Variants in HELB observed in about 807,000 individuals in gnomAD.
The protein encoded by HELB is DNA helicase B.
HELB carries 96 observed loss-of-function variants against 101.7 expected under a neutral mutation model. The ratio of observed to expected loss-of-function variants is 0.94; its 90% CI spans 0.80 to 1.12. The LOEUF (loss-of-function observed/expected upper bound fraction) is 1.12. HELB is among the 50% of genes most tolerant of loss of function. The pLI is 0.00. For missense variants in HELB, 1,210 were observed against 1,291.9 expected, an observed-to-expected ratio of 0.94 and a Z score of 0.97; for synonymous variants, 437 against 459.7, an observed-to-expected ratio of 0.95 and a Z score of 0.63.
intron 12 of HELB, among the ~76,000 whole-genome samples, chr12:66,335,892 A>C (rs892117897): frequency 6.6e-5 from 10 of 152,196 alleles, no homozygotes; most frequent in African/African-American, 2.2e-4. Context: ...ATTATAATCC[A>C]GCTCAGTTTC....
chr12:66,312,097 G>A (rs1228908859), intron 4 of HELB, among the ~76,000 whole-genome samples: 1 of 152,204 alleles, frequency 6.6e-6, no homozygotes, highest in East Asian at 1.9e-4. Flanking sequence ...TTTAAAGTTA[G>A]TAAAGTATTT....
chr12:66,333,219 A>G (rs951169014), intron 12 of HELB, among the ~76,000 whole-genome samples: 1 of 152,182 alleles, frequency 6.6e-6, no homozygotes, highest in Non-Finnish European at 1.5e-5. Flanking sequence ...CAAGGCAAGG[A>G]CATAGGGAAT....
chr12:66,309,051 CA>C (rs1245279463), intron 3 of HELB, among the ~76,000 whole-genome samples: 1 of 152,076 alleles, frequency 6.6e-6, no homozygotes, highest in Admixed American at 6.6e-5. Context: ...CTAAACAAGT[CA>C]AGAAAATGAG....
chr12:66,309,491 CTG>C (rs879723299), intron 3 of HELB, among the ~76,000 whole-genome samples: 1 of 151,996 alleles, frequency 6.6e-6, no homozygotes, highest in East Asian at 1.9e-4. Flanking sequence ...ACTTTTAAAA[CTG>C]TGTGTTAGTG....
At chr12:66,314,622 T>C (rs1367275800) in intron 5 of HELB, among the ~76,000 whole-genome samples, 1 of 152,120 alleles carries the variant, frequency 6.6e-6, no homozygotes, top group Non-Finnish European at 1.5e-5. Flanking sequence ...CTGTAGACCA[T>C]ATGATTTAAT....
chr12:66,318,268 T>C (rs1382588279), intron 6 of HELB, among the ~76,000 whole-genome samples: 1 of 152,308 alleles, frequency 6.6e-6, no homozygotes, highest in African/African-American at 2.4e-5. Context: ...AAACCTCACA[T>C]TGTTTACCTG....
Position 66,338,176 on chromosome 12 carries a change from C to A in HELB, c.*74C>A. 3 of 909,066 alleles carry A rather than the reference C, an allele frequency of 3.3e-6. No homozygotes were observed. Among genetic ancestry groups the A allele is most frequent in the African/African-American group, 1.7e-5 (1 of 59,358 alleles). 56.3% of individuals were successfully genotyped at this position (909,066 alleles called of 1,614,324 possible). ...AATGAACATCGTAACGTCAAAGTAC[C>A]AAGATAAAAAAAGTTTCCTATAACT... On this transcript the variant is annotated 3_prime_UTR_variant, in exon 13 of 13. Coordinates refer to ENST00000247815, the MANE Select transcript of HELB (RefSeq NM_001370285.1).
chr12:66,316,936 A>T (rs1426952525), intron 6 of HELB, among the ~76,000 whole-genome samples: 1 of 149,910 alleles, frequency 6.7e-6, no homozygotes, highest in Non-Finnish European at 1.5e-5. Context: ...GGAGAATGGC[A>T]TGAACCTGGA....
chr12:66,303,118 T>C (rs1427782263), intron 1 of HELB, among the ~76,000 whole-genome samples: 1 of 141,452 alleles, frequency 7.1e-6, no homozygotes, highest in Admixed American at 7.4e-5. Flanking sequence ...AAAATTATTC[T>C]CATTTTAATG....
At position 66,322,033 on chromosome 12, in the gene HELB, A is replaced by C. The variant is rs1236597967; in HGVS notation, c.2237+4A>C. 1 of 1,021,144 alleles carries C rather than the reference A, an allele frequency of 9.8e-7. No homozygotes were observed. The highest frequency in any genetic ancestry group is 1.5e-6 in the Non-Finnish European group (1 of 682,580). 63.3% of individuals were successfully genotyped at this position (1,021,144 alleles called of 1,614,324 possible). ...CACAATTTATTGCATTTAGAAGGTA[A>C]AGCATTTATAATATTTTAATGTTTT... On this transcript the variant is annotated splice_donor_region_variant and intron_variant, in intron 8 of 12. Coordinates refer to ENST00000247815, the MANE Select transcript of HELB (RefSeq NM_001370285.1).
At chr12:66,338,980 C>G (rs1393267181), downstream of HELB, 1 of 152,126 alleles carries the variant, frequency 6.6e-6, no homozygotes, top group Non-Finnish European at 1.5e-5. Flanking sequence ...TTTTCTCTCT[C>G]AGAATGATTT....
At chr12:66,307,014 C>T (rs761323488) in intron 3 of HELB, among the ~76,000 whole-genome samples, 11 of 152,008 alleles carry the variant, frequency 7.2e-5, no homozygotes, top group East Asian at 5.8e-4. Context: ...CAAATGAATC[C>T]GCTTCTGTTC....
chr12:66,319,657 T>G (rs192536366), intron 7 of HELB, among the ~76,000 whole-genome samples: 2 of 152,292 alleles, frequency 1.3e-5, no homozygotes, highest in East Asian at 3.9e-4. Context: ...CTATTATTAC[T>G]GAGGACTTTT....
At chr12:66,332,472 T>TA (rs1275652230) in intron 12 of HELB, among the ~76,000 whole-genome samples, 2 of 152,230 alleles carry the variant, frequency 1.3e-5, no homozygotes, top group African/African-American at 2.4e-5. Flanking sequence ...GGCAGTGTGA[T>TA]AAAATCTCAC....
At chr12:66,306,591 T>A (rs993665708) in intron 3 of HELB, 77 bp downstream of exon 3, 9 of 1,125,160 alleles carry the variant, frequency 8.0e-6, no homozygotes, top group Non-Finnish European at 1.1e-5. Context: ...TCCTTTCTCT[T>A]TCAAAGGAAA....
intron 11 of HELB, among the ~76,000 whole-genome samples, chr12:66,326,475 T>C (rs1390091924): frequency 1.3e-5 from 2 of 151,950 alleles, no homozygotes; most frequent in Non-Finnish European, 2.9e-5. Context: ...ACTCCTGACC[T>C]TGTGATCTGC....
At chr12:66,313,200 T>TAGAAAAAAAA (rs58828288) in intron 4 of HELB, among the ~76,000 whole-genome samples, 88,325 of 151,246 alleles carry the variant, frequency 0.58, 27,707 homozygotes, top group Middle Eastern at 0.79. Flanking sequence ...CTAGTTTTAG[T>TAGAAAAAAAA]AGAAAAATTA....
rs2053676149 is a variant in HELB, at chr12:66,322,026, G to A, written c.2234G>A (p.Arg745Lys). ...AAAACATCACAATTTATTGCATTTA[G>A]AAGGTAAAGCATTTATAATATTTTA... The part of the protein sequence containing the change: ...NAKTSQFIAF[R>K]RQDCDLINDC... The change falls in exon 8 of 13, where the codon AGA (arginine) becomes AAA (lysine). Residue 745 changes from arginine (R) to lysine (K), a missense_variant. This residue lies in a region of HELB where 740 missense variants were observed against 728.8 expected (regional missense o/e 1.02). Coordinates refer to ENST00000247815, the MANE Select transcript of HELB (RefSeq NM_001370285.1). The A allele has an allele frequency of 1.8e-6, 2 of 1,090,522 alleles. No individual in the cohort carries two copies. The highest frequency in any genetic ancestry group is 2.7e-6 in the Non-Finnish European group (2 of 738,842). 67.6% of individuals were successfully genotyped at this position (1,090,522 alleles called of 1,614,324 possible). A position where few individuals can be genotyped will look rare whatever the true frequency, so the allele number is the denominator to read the frequency against.
In HELB at chr12:66,302,777, C is replaced by T; in HGVS notation, c.174C>T (p.Pro58=). 6.2e-7 allele frequency: 1 copy of T among 1,609,174 alleles called. No individual in the cohort carries two copies. The highest frequency in any genetic ancestry group is 8.5e-7 in the Non-Finnish European group (1 of 1,176,802). ...GGGGCGTAAAGGCTGGCAGCCTCCCCGGGTGCCTCCGCGGTGAGGAAGGCG... is the reference window on the plus strand; with the variant it reads ...GGGGCGTAAAGGCTGGCAGCCTCCCTGGGTGCCTCCGCGGTGAGGAAGGCG... ...CSGGVKAGSL[P]GCLRVSICDE... The change falls in exon 1 of 13, where the codon CCC becomes CCT. Residue 58 remains proline, a synonymous_variant. Transcript: ENST00000247815.
Sources: allele counts gnomAD v4.1 joint callset (sites outside exome capture counted in the v4.1 genomes callset), GRCh38; gene constraint gnomAD v4.1.1; regional missense constraint gnomAD v4.1.1; transcripts MANE v1.5; gene names NCBI Gene and HGNC (gene_info 2026-07-23, HGNC 2026-07-21).